The following SIPA1L1 variants were observed in gnomAD, a reference collection of about 807,000 sequenced individuals.
The protein encoded by SIPA1L1 is signal induced proliferation associated 1 like 1.
A neutral mutation model predicts 162.7 loss-of-function variants in SIPA1L1; 26 were observed. That is an observed-to-expected ratio of 0.16 (90% confidence interval 0.12 to 0.22). The LOEUF (loss-of-function observed/expected upper bound fraction) is 0.22. Among genes scored for constraint, SIPA1L1 ranks in the 10% least tolerant of loss-of-function variants. SIPA1L1 has a pLI of 1.00. For missense variants in SIPA1L1, 1,874 were observed against 2,241.0 expected (o/e 0.84, Z 3.31); for synonymous variants, 829 against 837.4 (o/e 0.99, Z 0.17).
At chr14:71,365,745 T>A (rs1162209611) in intron 2 of SIPA1L1, among the ~76,000 whole-genome samples, 1 of 151,640 alleles carries the variant, frequency 6.6e-6, no homozygotes, top group Non-Finnish European at 1.5e-5. Context: ...TTTTTTTTTT[T>A]AGCAGGGTCT....
At chr14:71,735,458 G>T (rs912599702) in intron 22 of SIPA1L1, 67 bp downstream of exon 22, 6 of 1,128,138 alleles carry the variant, frequency 5.3e-6, no homozygotes, top group Non-Finnish European at 8.1e-6. Context: ...GCATCTGTGG[G>T]GAGAAGAGAT....
intron 7 of SIPA1L1, among the ~76,000 whole-genome samples, chr14:71,635,906 T>A (rs2041097057): frequency 6.6e-6 from 1 of 151,862 alleles, no homozygotes; most frequent in Non-Finnish European, 1.5e-5. Context: ...AAAGGAAAGC[T>A]ATAGGGCTTA....
At chr14:71,499,190 G>T (rs191543119) in intron 2 of SIPA1L1, among the ~76,000 whole-genome samples, 1 of 152,226 alleles carries the variant, frequency 6.6e-6, no homozygotes, top group Admixed American at 6.5e-5. Flanking sequence ...TTTAATCAAA[G>T]ATTATAAAAA....
chr14:71,437,039 C>T (rs991692135), intron 2 of SIPA1L1, among the ~76,000 whole-genome samples: 1 of 152,014 alleles, frequency 6.6e-6, no homozygotes, highest in African/African-American at 2.4e-5. Flanking sequence ...GCTGGGATTA[C>T]AGGCATGAGC....
intron 2 of SIPA1L1, among the ~76,000 whole-genome samples, chr14:71,466,082 TCAATC>T (rs1187274550): frequency 1.3e-5 from 2 of 152,184 alleles, no homozygotes; most frequent in African/African-American, 2.4e-5. Flanking sequence ...TTCACATCCT[TCAATC>T]CAATCAAGTT....
chr14:71,347,566 G>A (rs992198967), intron 2 of SIPA1L1, among the ~76,000 whole-genome samples: 12 of 152,042 alleles, frequency 7.9e-5, no homozygotes, highest in African/African-American at 2.7e-4. Flanking sequence ...TAAACAATCC[G>A]GGCTTTTGAG....
chr14:71,665,941 A>G (rs2043962456), intron 10 of SIPA1L1, among the ~76,000 whole-genome samples: 1 of 152,198 alleles, frequency 6.6e-6, no homozygotes, highest in African/African-American at 2.4e-5. Flanking sequence ...GTACTATACC[A>G]CGGCTAACTG....
intron 2 of SIPA1L1, among the ~76,000 whole-genome samples, chr14:71,340,816 G>A (rs1199403507): frequency 6.6e-6 from 1 of 152,192 alleles, no homozygotes; most frequent in Admixed American, 6.5e-5. Context: ...GTGCATGCCT[G>A]TAGTCCCAGC....
At chr14:71,384,344 G>C (rs1438687435) in intron 2 of SIPA1L1, among the ~76,000 whole-genome samples, 1 of 152,176 alleles carries the variant, frequency 6.6e-6, no homozygotes. Context: ...AGATTATTCT[G>C]GGTTTGTGTG....
chr14:71,484,736 A>T (rs992363372), intron 2 of SIPA1L1, among the ~76,000 whole-genome samples: 3 of 152,242 alleles, frequency 2.0e-5, no homozygotes, highest in African/African-American at 7.2e-5. Context: ...ATTGTCAGAT[A>T]GCAGAGACTT....
At chr14:71,703,969 C>G (rs1053408678) in intron 15 of SIPA1L1, among the ~76,000 whole-genome samples, 1 of 152,096 alleles carries the variant, frequency 6.6e-6, no homozygotes, top group Admixed American at 6.5e-5. Context: ...ATTTTTAAAA[C>G]CTATTTGCTC....
chr14:71,597,151 T>G (rs190867071), intron 5 of SIPA1L1, among the ~76,000 whole-genome samples: 26 of 151,954 alleles, frequency 1.7e-4, no homozygotes, highest in Admixed American at 4.6e-4. Flanking sequence ...TTTAGATTTT[T>G]TTTGTTTGTT....
At chr14:71,591,113 A>C (rs1202983202) in intron 5 of SIPA1L1, among the ~76,000 whole-genome samples, 1 of 152,140 alleles carries the variant, frequency 6.6e-6, no homozygotes, top group Non-Finnish European at 1.5e-5. Flanking sequence ...GTTATAATCT[A>C]ATTTATGTAA....
intron 3 of SIPA1L1, among the ~76,000 whole-genome samples, chr14:71,517,855 A>G (rs996802224): frequency 6.6e-6 from 1 of 152,190 alleles, no homozygotes; most frequent in African/African-American, 2.4e-5. Flanking sequence ...TTTATCTTAT[A>G]CATTTATAAG....
At chr14:71,412,131 A>G (rs1197207563) in intron 2 of SIPA1L1, among the ~76,000 whole-genome samples, 1 of 152,240 alleles carries the variant, frequency 6.6e-6, no homozygotes, top group Non-Finnish European at 1.5e-5. Context: ...TGCAAGCTGC[A>G]GGCCAGTTGT....
chr14:71,716,759 G>A (rs976544042), intron 17 of SIPA1L1, among the ~76,000 whole-genome samples: 5 of 152,160 alleles, frequency 3.3e-5, no homozygotes, highest in South Asian at 4.1e-4. Context: ...TGGTCATCTA[G>A]CATCCCCTCC....
chr14:71,692,025 T>A (rs1230966151), intron 13 of SIPA1L1, among the ~76,000 whole-genome samples: 1 of 152,224 alleles, frequency 6.6e-6, no homozygotes, highest in Non-Finnish European at 1.5e-5. Flanking sequence ...TAAGAAGAGT[T>A]TCCTCAACTT....
At chr14:71,662,896 G>A (rs79053706) in intron 10 of SIPA1L1, among the ~76,000 whole-genome samples, 72 of 152,318 alleles carry the variant, frequency 4.7e-4, no homozygotes, top group Non-Finnish European at 8.4e-4. Flanking sequence ...AATACTCTGA[G>A]CAGTTAAAAC....
chr14:71,595,238 CAG>C (rs1348699443), intron 5 of SIPA1L1, among the ~76,000 whole-genome samples: 3 of 152,224 alleles, frequency 2.0e-5, no homozygotes, highest in African/African-American at 4.8e-5. Flanking sequence ...CATATAAAAA[CAG>C]AGTTTGTTTT....
Sources: allele counts gnomAD v4.1 joint callset (sites outside exome capture counted in the v4.1 genomes callset), GRCh38; gene constraint gnomAD v4.1.1; transcripts MANE v1.5; gene names NCBI Gene and HGNC (gene_info 2026-07-23, HGNC 2026-07-21).